Variants in FAAH2 observed in about 807,000 individuals in gnomAD.
The protein encoded by FAAH2 is fatty acid amide hydrolase 2, also known as fatty-acid amide hydrolase 2.
A neutral mutation model predicts 36.9 loss-of-function variants in FAAH2; 60 were observed. The ratio of observed to expected loss-of-function variants is 1.63; its 90% CI spans 1.32 to 2.02. FAAH2 has a LOEUF of 2.02. FAAH2 is among the 30% of genes most tolerant of loss of function. The pLI is 0.00. For missense variants in FAAH2, 689 were observed against 397.5 expected (o/e 1.73, Z -6.23); for synonymous variants, 214 against 143.8 (o/e 1.49, Z -3.49).
the FAAH2 span, among the ~76,000 whole-genome samples, chrX:57,249,044 T>G: frequency 9.0e-6 from 1 of 110,915 alleles, no homozygotes; most frequent in Non-Finnish European, 1.9e-5. Context: ...TAGAGTGCTT[T>G]TGTGATGTAG....
chrX:57,471,618 C>T (rs1426161845), intron 10 of FAAH2, among the ~76,000 whole-genome samples: 1 of 111,823 alleles, frequency 8.9e-6, no homozygotes, highest in African/African-American at 3.3e-5. Flanking sequence ...GAAGAACATT[C>T]CATGCTTATG....
At chrX:57,367,828 T>C (rs1241577099) in intron 5 of FAAH2, among the ~76,000 whole-genome samples, 1 of 112,056 alleles carries the variant, frequency 8.9e-6, no homozygotes, top group Non-Finnish European at 1.9e-5. Context: ...TTCTCACAGA[T>C]GCTGAGCCAA....
At chrX:57,299,688 A>G (rs1294315713) in intron 2 of FAAH2, among the ~76,000 whole-genome samples, 2 of 111,816 alleles carry the variant, frequency 1.8e-5, no homozygotes, top group African/African-American at 3.3e-5. Context: ...AGATGACATG[A>G]TTGTATATCT....
the FAAH2 span, among the ~76,000 whole-genome samples, chrX:57,141,134 T>G: frequency 8.9e-6 from 1 of 112,080 alleles, no homozygotes; most frequent in African/African-American, 3.2e-5. Flanking sequence ...TTGTTGAGAG[T>G]TTTTTTCATG....
the FAAH2 span, among the ~76,000 whole-genome samples, chrX:57,217,260 T>TG: frequency 9.0e-5 from 10 of 110,736 alleles, no homozygotes; most frequent in African/African-American, 3.0e-4. Context: ...TTTTTTTTTT[T>TG]GTCATTCAAA....
chrX:57,474,177 T>A (rs1398306822), intron 10 of FAAH2, among the ~76,000 whole-genome samples: 1 of 111,806 alleles, frequency 8.9e-6, no homozygotes, highest in Admixed American at 9.6e-5. Flanking sequence ...ATTTTTTGTA[T>A]GTCCAATCTA....
intron 4 of FAAH2, among the ~76,000 whole-genome samples, chrX:57,333,980 T>C (rs748447903): frequency 9.0e-6 from 1 of 111,448 alleles, no homozygotes; most frequent in South Asian, 3.8e-4. Context: ...ATTATATTGG[T>C]ATTTTCTTCA....
In FAAH2 at chrX:57,324,579, G is replaced by A. The variant is rs757185734; in HGVS notation, c.413-7019G>A. 3.1e-3 allele frequency among the ~76,000 whole-genome samples: 340 copies of A among 111,457 alleles called. 3 individuals are homozygous for A. Among genetic ancestry groups the A allele is most frequent in the Non-Finnish European group, 5.8e-3 (309 of 53,032 alleles). On this transcript the variant is annotated intron_variant, in intron 3 of 10. Coordinates refer to ENST00000374900, the MANE Select transcript of FAAH2 (RefSeq NM_174912.4). ...ACATTCCTTGTAAGTTGGATTCCTAGGTATTTTATTCTCTTTGAAGCAATT... is the reference window on the plus strand; with the variant it reads ...ACATTCCTTGTAAGTTGGATTCCTAAGTATTTTATTCTCTTTGAAGCAATT...
At chrX:57,424,165 A>G (rs886465669) in intron 7 of FAAH2, among the ~76,000 whole-genome samples, 2 of 111,577 alleles carry the variant, frequency 1.8e-5, no homozygotes, top group African/African-American at 6.5e-5. Flanking sequence ...AAATTAAACA[A>G]ATTCTACACT....
At chrX:57,123,249 G>A in the FAAH2 span, among the ~76,000 whole-genome samples, 4 of 111,313 alleles carry the variant, frequency 3.6e-5, no homozygotes, top group Non-Finnish European at 3.8e-5. Flanking sequence ...GAGAACATGC[G>A]GTGTTTGGTT....
At chrX:57,246,762 C>A in the FAAH2 span, among the ~76,000 whole-genome samples, 1 of 111,908 alleles carries the variant, frequency 8.9e-6, no homozygotes, top group East Asian at 2.8e-4. Flanking sequence ...TTCTTCCTTT[C>A]TTTTCTTGAC....
At chrX:57,317,674 C>T (rs1260664376) in intron 3 of FAAH2, among the ~76,000 whole-genome samples, 1 of 111,838 alleles carries the variant, frequency 8.9e-6, no homozygotes, top group Non-Finnish European at 1.9e-5. Context: ...ACCTAATAGA[C>T]ATCTACAGAA....
At chrX:57,452,602 C>T (rs1470236037) in intron 10 of FAAH2, among the ~76,000 whole-genome samples, 2 of 112,515 alleles carry the variant, frequency 1.8e-5, no homozygotes, top group Non-Finnish European at 3.7e-5. Flanking sequence ...TTGACTAGGA[C>T]ATTGCATTGT....
chrX:57,321,032 C>T (rs2053005695), intron 3 of FAAH2, among the ~76,000 whole-genome samples: 1 of 109,351 alleles, frequency 9.1e-6, no homozygotes, highest in Non-Finnish European at 1.9e-5. Context: ...CCCAGCTACT[C>T]AGGAGGCTGA....
chrX:57,200,175 C>T, the FAAH2 span, among the ~76,000 whole-genome samples: 3 of 107,263 alleles, frequency 2.8e-5, no homozygotes, highest in Non-Finnish European at 5.8e-5. Context: ...TTTTTCCTGC[C>T]TTTTTTTTAA....
chrX:57,401,292 C>A (rs2055429123), intron 7 of FAAH2, among the ~76,000 whole-genome samples: 1 of 111,214 alleles, frequency 9.0e-6, no homozygotes, highest in South Asian at 3.8e-4. Flanking sequence ...TAGATGGGGG[C>A]TATCTCTGAA....
At chrX:57,229,152 A>T in the FAAH2 span, 7 of 112,164 alleles carry the variant, frequency 6.2e-5, no homozygotes, top group Non-Finnish European at 1.1e-4. Context: ...CAAGCCAGAC[A>T]AAAGGGTGGA....
At chrX:57,194,586 T>A in the FAAH2 span, among the ~76,000 whole-genome samples, 52 of 111,396 alleles carry the variant, frequency 4.7e-4, no homozygotes, top group African/African-American at 1.7e-3. Context: ...ATTTATTTAT[T>A]TATTTATTTT....
At chrX:57,390,357 TG>T (rs1469720279) in intron 7 of FAAH2, among the ~76,000 whole-genome samples, 1 of 111,637 alleles carries the variant, frequency 9.0e-6, no homozygotes, top group Non-Finnish European at 1.9e-5. Context: ...TATTTTAGAT[TG>T]AAAGGGTACT....
Sources: allele counts gnomAD v4.1 joint callset (sites outside exome capture counted in the v4.1 genomes callset), GRCh38; gene constraint gnomAD v4.1.1; transcripts MANE v1.5; gene names NCBI Gene and HGNC (gene_info 2026-07-23, HGNC 2026-07-21).